The following TNK2 variants were observed in gnomAD, a reference collection of about 807,000 sequenced individuals.
The protein encoded by TNK2 is tyrosine kinase non receptor 2, also known as activated CDC42 kinase 1.
In TNK2, 83 loss-of-function variants were observed where a neutral mutation model predicts 101.8. The observed-to-expected ratio is 0.82, with a 90% CI of 0.68 to 0.98. The LOEUF (loss-of-function observed/expected upper bound fraction) is 0.98. TNK2 is among the 50% of genes least tolerant of loss of function. TNK2 has a pLI of 0.00. For missense variants in TNK2, 1,665 were observed against 1,483.2 expected (o/e 1.12, Z -2.01); for synonymous variants, 804 against 633.0 (o/e 1.27, Z -4.06).
chr3:195,891,205 G>A (rs1560534642), intron 1 of TNK2, among the ~76,000 whole-genome samples: 3 of 152,192 alleles, frequency 2.0e-5, no homozygotes, highest in African/African-American at 4.8e-5. Context: ...ACCTGAGTTC[G>A]AGACCAGCCT....
chr3:195,901,965 T>C (rs1039176750), intron 1 of TNK2, among the ~76,000 whole-genome samples: 2 of 152,108 alleles, frequency 1.3e-5, no homozygotes, highest in African/African-American at 4.8e-5. Context: ...TGTGAGGAAG[T>C]CTGAAGAAGG....
rs1341893151 is a variant in TNK2, at chr3:195,886,595, G to C, written c.234+382C>G. 1.3e-5 allele frequency among the ~76,000 whole-genome samples: 2 copies of C among 152,104 alleles called. No homozygotes were observed. The highest frequency in any genetic ancestry group is 2.1e-4 in the South Asian group (1 of 4,822). ...AGATTAGAGAGGGTCAGGGAGGAGG[G>C]AAGCCAAGCAAAGACGTTCTGGGTC... On this transcript the variant is annotated intron_variant, in intron 3 of 15. Transcript: ENST00000672887. This position sits in a 1 kb window ranked among gnomAD's most constrained non-coding sequence, Gnocchi z 4.2.
Position 195,888,686 on chromosome 3 carries a change from C to T in TNK2, c.-18-80G>A, listed in dbSNP as rs1275332695. On this transcript the variant is annotated intron_variant, in intron 1 of 15. Transcript: ENST00000672887. This position sits in a 1 kb window ranked among gnomAD's most constrained non-coding sequence, Gnocchi z 5.3. ...TGCCCGAGTGACCTGGGCTCACCTTCATCCCACTACACGGCCACCCGGAAG... is the reference window on the plus strand; with the variant it reads ...TGCCCGAGTGACCTGGGCTCACCTTTATCCCACTACACGGCCACCCGGAAG... 3 of 1,359,678 alleles carry T rather than the reference C, an allele frequency of 2.2e-6. No homozygotes were observed. The highest frequency in any genetic ancestry group is 2.9e-5 in the African/African-American group (2 of 68,772). 84.2% of individuals were successfully genotyped at this position (1,359,678 alleles called of 1,614,324 possible). A position where few individuals can be genotyped will look rare whatever the true frequency, so the allele number is the denominator to read the frequency against.
At chr3:195,876,357 G>C (rs931416574) in intron 9 of TNK2, 13 of 453,940 alleles carry the variant, frequency 2.9e-5, no homozygotes, top group African/African-American at 2.4e-4. Context: ...AGCTTCGCAA[G>C]TGGGAAGCCA....
intron 1 of TNK2, chr3:195,894,183 G>A (rs1352537930): frequency 3.9e-5 from 4 of 101,464 alleles, no homozygotes; most frequent in African/African-American, 1.2e-4. Flanking sequence ...CAGGGACCGG[G>A]GGCCGGGGAA....
intron 1 of TNK2, chr3:195,891,986 G>A (rs1405595232): frequency 3.0e-6 from 3 of 1,004,124 alleles, no homozygotes; most frequent in South Asian, 4.5e-5. Context: ...CATGTGGGAG[G>A]ACGGGAAGGA....
At position 195,895,500 on chromosome 3, in the gene TNK2, TCCTCCTGCCGGCCTGCGGCCATTC is replaced by T. The variant is rs1464459445; in HGVS notation, c.-18-6918_-18-6895del. ...GCCGGCGGCCGGGTGGTCGCGCCCC[TCCTCCTGCCGGCCTGCGGCCATTC>T]CCTCCTGCAGCCCGTCCCAGCTCCG... On this transcript the variant is annotated intron_variant, in intron 1 of 15. Coordinates refer to ENST00000672887, the MANE Select transcript of TNK2 (RefSeq NM_001382273.1). 3.0e-6 allele frequency: 4 copies of T among 1,353,530 alleles called. No individual in the cohort carries two copies. The African/African-American group carries it at 6.2e-5, about 21-fold the overall frequency. 83.8% of individuals were successfully genotyped at this position (1,353,530 alleles called of 1,614,324 possible). A position where few individuals can be genotyped will look rare whatever the true frequency, so the allele number is the denominator to read the frequency against.
chr3:195,879,067 G>T lies in TNK2; in HGVS notation c.996C>A (p.Ile332=). 2 of 1,613,650 alleles carry T rather than the reference G, an allele frequency of 1.2e-6. No individual in the cohort carries two copies. The highest frequency in any genetic ancestry group is 1.7e-6 in the Non-Finnish European group (2 of 1,179,976). Residue 332 remains isoleucine, a synonymous_variant, in exon 7 of 16, where the codon ATC becomes ATA. Coordinates refer to ENST00000672887, the MANE Select transcript of TNK2 (RefSeq NM_001382273.1). The part of the protein sequence containing the change: ...EMFTYGQEPW[I]GLNGSQILHK... ...CCCTCACCTGACTGCCGTTGAGGCC[G>T]ATCCAGGGCTCCTGGCCGTAGGTGA...
rs765694038 is a variant in TNK2, at chr3:195,883,183, C to T, written c.583G>A (p.Val195Met). ...DHRNLIRLYG[V>M]VLTPPMKMVT... ...ATCTTCATGGGCGGCGTGAGCACCA[C>T]CCCGTAGAGGCGGATGAGGTTTCGG... is the stretch of plus-strand genomic sequence containing the variant. The change falls in exon 5 of 16, where the codon GTG (valine) becomes ATG (methionine). Residue 195 changes from valine to methionine, a missense_variant. By Grantham distance (21) the Val-to-Met change is conservative. Coordinates refer to ENST00000672887, the MANE Select transcript of TNK2 (RefSeq NM_001382273.1). 2 of 1,608,228 alleles carry T rather than the reference C, an allele frequency of 1.2e-6. No individual in the cohort carries two copies. Among genetic ancestry groups the T allele is most frequent in the Non-Finnish European group, 1.7e-6 (2 of 1,179,934 alleles).
At chr3:195,870,234 G>A (rs200542362) in intron 10 of TNK2, 29 bp from the exon 11 acceptor site, 674 of 1,602,536 alleles carry the variant, frequency 4.2e-4, no homozygotes, top group Non-Finnish European at 5.2e-4. Flanking sequence ...GGTCAAGAGA[G>A]CAGGGGAAGC....
chr3:195,868,295 G>T lies in TNK2; in HGVS notation c.2003C>A (p.Thr668Asn). 2 of 1,603,830 alleles carry T rather than the reference G, an allele frequency of 1.2e-6. No individual in the cohort carries two copies. Among genetic ancestry groups the T allele is most frequent in the Non-Finnish European group, 8.5e-7 (1 of 1,179,500 alleles). ...DDFEICSINS[T>N]LVGAGVPAGP... ...GGCAGGGACCCCCGCGCCCACGAGGGTGCTGTTGATGGAGCAGATCTCAAA... is the reference window on the plus strand; with the variant it reads ...GGCAGGGACCCCCGCGCCCACGAGGTTGCTGTTGATGGAGCAGATCTCAAA... Residue 668 changes from threonine to asparagine, a missense_variant, in exon 13 of 16, where the codon ACC becomes AAC. Transcript: ENST00000672887.
chr3:195,871,038 C>G (rs1246494559), intron 10 of TNK2, among the ~76,000 whole-genome samples: 2 of 150,814 alleles, frequency 1.3e-5, no homozygotes, highest in Non-Finnish European at 3.0e-5. Flanking sequence ...GTGTGGGGTT[C>G]TGGTGTGTGG....
intron 9 of TNK2, among the ~76,000 whole-genome samples, chr3:195,877,183 C>T (rs995538319): frequency 6.6e-6 from 1 of 152,198 alleles, no homozygotes; most frequent in African/African-American, 2.4e-5. Context: ...CTCCTGTCCC[C>T]AGGCCTCTCT....
intron 1 of TNK2, among the ~76,000 whole-genome samples, chr3:195,903,276 G>A (rs535233196): frequency 3.6e-4 from 54 of 149,038 alleles, no homozygotes; most frequent in Admixed American, 3.2e-3. Context: ...TCCTGACCTC[G>A]TGATCTGCAC....
rs755476319 is a variant in TNK2 at position 195,867,785 on chromosome 3, G to A, written c.2513C>T (p.Ser838Leu). The part of the protein sequence containing the change: ...KTMPTTQSFA[S>L]DPKYATPQVI... ...CTGGGGGGTGGCGTACTTGGGGTCT[G>A]AGGCAAAGCTCTGGGTGGTGGGCAT... The change falls in exon 13 of 16, where the codon TCA becomes TTA. Residue 838 changes from serine (S) to leucine (L), a missense_variant. By Grantham distance (145) the Ser-to-Leu change is moderately radical (BLOSUM62 -2). Around this residue, in one of 3 missense-constraint regions of TNK2, gnomAD observed 1,136 missense variants for 894.9 expected, o/e 1.27. Transcript: ENST00000672887. 2.5e-6 allele frequency: 4 copies of A among 1,577,612 alleles called. No individual in the cohort carries two copies. The highest frequency in any genetic ancestry group is 4.5e-5 in the East Asian group (2 of 44,490).
intron 2 of TNK2, among the ~76,000 whole-genome samples, chr3:195,887,840 G>A (rs1379347186): frequency 3.0e-5 from 4 of 132,842 alleles, no homozygotes; most frequent in South Asian, 2.3e-4. Flanking sequence ...ACACACGTGT[G>A]TGTGTGTGTG....
Position 195,885,132 on chromosome 3 carries a change from C to A in TNK2, c.235-99G>T, listed in dbSNP as rs1357113855. ...TCCACCTGGTGATCCCCGGCTTCGG[C>A]TTCCAGATAGGTCCTGGTTTTGCCA... On this transcript the variant is annotated intron_variant, in intron 3 of 15. Coordinates refer to ENST00000672887, the MANE Select transcript of TNK2 (RefSeq NM_001382273.1). The surrounding 1 kb of genome is among the most constrained non-coding windows in gnomAD (Gnocchi z 4.7). The A allele has an allele frequency of 1.5e-6, 2 of 1,297,174 alleles. No individual in the cohort carries two copies. Among genetic ancestry groups the A allele is most frequent in the Non-Finnish European group, 1.0e-6 (1 of 954,424 alleles). The allele number at this position is 1,297,174 out of a possible 1,614,324, so 80.4% of individuals were successfully genotyped here. A position where few individuals can be genotyped will look rare whatever the true frequency, so the allele number is the denominator to read the frequency against.
chr3:195,906,112 T>C (rs558883810), intron 1 of TNK2, among the ~76,000 whole-genome samples: 24 of 152,288 alleles, frequency 1.6e-4, no homozygotes, highest in African/African-American at 5.5e-4. Flanking sequence ...AAATTAAAAT[T>C]GTAATGAGAT....
In TNK2 at chr3:195,868,807, G is replaced by C. The variant is rs1303512182; in HGVS notation, c.1589-98C>G. On this transcript the variant is annotated intron_variant, in intron 12 of 15. Coordinates refer to ENST00000672887, the MANE Select transcript of TNK2 (RefSeq NM_001382273.1). ...GGGAGAGAAAGCCAAGTGTCCCCCA[G>C]CAACCCTCCACTCCCAACTCCCCCC... 4 of 1,377,762 alleles carry C rather than the reference G, an allele frequency of 2.9e-6. No individual in the cohort carries two copies. The African/African-American group carries it at 6.1e-5, about 21-fold the overall frequency. 85.3% of individuals were successfully genotyped at this position (1,377,762 alleles called of 1,614,324 possible).
Sources: allele counts gnomAD v4.1 joint callset (sites outside exome capture counted in the v4.1 genomes callset), GRCh38; gene constraint gnomAD v4.1.1; regional missense constraint gnomAD v4.1.1; non-coding constraint Gnocchi (gnomAD v3.1); transcripts MANE v1.5; gene names NCBI Gene and HGNC (gene_info 2026-07-23, HGNC 2026-07-21).